Variants in KCNJ6 observed in about 807,000 individuals in gnomAD.
The protein encoded by KCNJ6 is G protein-activated inward rectifier potassium channel 2.
A neutral mutation model predicts 34.2 loss-of-function variants in KCNJ6; 9 were observed. The observed-to-expected ratio is 0.26, with a 90% confidence interval of 0.16 to 0.46. KCNJ6 has a LOEUF of 0.46. KCNJ6 is among the 20% of genes least tolerant of loss of function. KCNJ6 has a pLI of 1.00. For missense variants in KCNJ6, 236 were observed against 531.3 expected, an observed-to-expected ratio of 0.44 and a Z score of 5.46; for synonymous variants, 196 against 207.1, an observed-to-expected ratio of 0.95 and a Z score of 0.46.
At chr21:37,694,336 G>T (rs2054654366) in intron 3 of KCNJ6, among the ~76,000 whole-genome samples, 1 of 152,186 alleles carries the variant, frequency 6.6e-6, no homozygotes, top group African/African-American at 2.4e-5. Context: ...GGTTCTTTTA[G>T]CGAGGACAAG....
intron 1 of KCNJ6, among the ~76,000 whole-genome samples, chr21:37,912,124 A>G (rs888061469): frequency 2.6e-5 from 4 of 152,230 alleles, no homozygotes; most frequent in Non-Finnish European, 5.9e-5. Flanking sequence ...ACTATTGTTT[A>G]GGCAATACCT....
In KCNJ6 at chr21:37,613,592, A is replaced by T. The variant is rs2054250474; in HGVS notation, c.*11567T>A. On this transcript the variant is annotated 3_prime_UTR_variant, in exon 4 of 4. Coordinates refer to ENST00000609713, the MANE Select transcript of KCNJ6 (RefSeq NM_002240.5). ...ATGGATGAGTGTTTGGTGCTAAAAA[A>T]GTGAGCTCTCAAGCCATAAAAAGAT... is the stretch of plus-strand genomic sequence containing the variant. 1.3e-5 allele frequency: 2 copies of T among 152,236 alleles called. No individual in the cohort carries two copies. The highest frequency in any genetic ancestry group is 2.4e-5 in the African/African-American group (1 of 41,458). The allele number at this position is 152,236 out of a possible 1,614,324, so 9.4% of individuals were successfully genotyped here.
intron 1 of KCNJ6, among the ~76,000 whole-genome samples, chr21:37,894,771 C>T (rs946885363): frequency 1.3e-5 from 2 of 152,156 alleles, no homozygotes; most frequent in African/African-American, 4.8e-5. Context: ...CTTTTAGGTC[C>T]CCTCTAGGTG....
rs79368295 is a variant in KCNJ6 at position 37,715,196 on chromosome 21, C to T, written c.26-65G>A. 23,347 of 1,375,594 alleles carry T rather than the reference C, an allele frequency of 0.017. 240 individuals are homozygous for T. Among genetic ancestry groups the T allele is most frequent in the Non-Finnish European group, 0.02 (20,441 of 1,009,036 alleles). 85.2% of individuals were successfully genotyped at this position (1,375,594 alleles called of 1,614,324 possible). A position where few individuals can be genotyped will look rare whatever the true frequency, so the allele number is the denominator to read the frequency against. On this transcript the variant is annotated intron_variant, in intron 2 of 3. Transcript: ENST00000609713. ...GGCTGGCTCTTTGAGGACAATGGAA[C>T]GGCACACTTTGTATGGGCTGGTGAA...
At chr21:37,625,924 A>T (rs182176928) in intron 3 of KCNJ6, among the ~76,000 whole-genome samples, 4 of 152,292 alleles carry the variant, frequency 2.6e-5, no homozygotes, top group East Asian at 1.9e-4. Context: ...ATGAAATTTC[A>T]TATATGGAAC....
At chr21:37,855,169 A>AT (rs372142668) in intron 1 of KCNJ6, among the ~76,000 whole-genome samples, 149 of 152,208 alleles carry the variant, frequency 9.8e-4, no homozygotes, top group African/African-American at 3.4e-3. Flanking sequence ...AAAAAATAAA[A>AT]TTTTTTTGGT....
At chr21:37,641,733 T>C (rs1249632755) in intron 3 of KCNJ6, among the ~76,000 whole-genome samples, 2 of 151,804 alleles carry the variant, frequency 1.3e-5, no homozygotes, top group Non-Finnish European at 2.9e-5. Context: ...TGGTACCAAA[T>C]GAAAACACTG....
intron 3 of KCNJ6, among the ~76,000 whole-genome samples, chr21:37,685,793 C>CTAGTTA (rs1201626871): frequency 6.8e-6 from 1 of 148,142 alleles, no homozygotes; most frequent in Non-Finnish European, 1.5e-5. Context: ...CTCTAGAGCA[C>CTAGTTA]TAGTTATAGA....
chr21:37,689,445 G>A (rs1331386526), intron 3 of KCNJ6, among the ~76,000 whole-genome samples: 1 of 151,960 alleles, frequency 6.6e-6, no homozygotes, highest in African/African-American at 2.4e-5. Flanking sequence ...CCTTTTAAGG[G>A]GCTCACTGTT....
intron 2 of KCNJ6, among the ~76,000 whole-genome samples, chr21:37,822,223 G>A (rs1013046842): frequency 2.0e-5 from 3 of 152,172 alleles, no homozygotes; most frequent in African/African-American, 4.8e-5. Context: ...CTGGGGAGTG[G>A]CTTGCAGACA....
intron 1 of KCNJ6, among the ~76,000 whole-genome samples, chr21:37,896,533 G>A (rs572998943): frequency 5.3e-5 from 8 of 152,264 alleles, no homozygotes; most frequent in Admixed American, 1.3e-4. Context: ...TTACGGGCAC[G>A]GAACATGCAT....
At chr21:37,742,518 A>AG (rs1243337368) in intron 2 of KCNJ6, among the ~76,000 whole-genome samples, 8 of 212 alleles carry the variant, frequency 0.038, no homozygotes, top group Admixed American at 0.19. Flanking sequence ...TATTAAAAAG[A>AG]AAAACACCTT....
Position 37,871,549 on chromosome 21 carries a change from C to T in KCNJ6, c.-27-30840G>A, listed in dbSNP as rs148752563. ...ACAGAAATCTGGGCACAACCACACC[C>T]TGGGCTCTGAGACTTTTTCCTGAAT... On this transcript the variant is annotated intron_variant, in intron 1 of 3. Transcript: ENST00000609713. Among the ~76,000 whole-genome samples the T allele has an allele frequency of 2.6e-5, 4 of 152,224 alleles. No individual in the cohort carries two copies. In the South Asian group the frequency reaches 6.2e-4, roughly 24 times the overall value.
At chr21:37,892,124 T>C (rs996351487) in intron 1 of KCNJ6, among the ~76,000 whole-genome samples, 2 of 152,216 alleles carry the variant, frequency 1.3e-5, no homozygotes, top group African/African-American at 4.8e-5. Context: ...TTTTGAAACA[T>C]ACCAGTGCAG....
At chr21:37,721,553 G>A (rs572063417) in intron 2 of KCNJ6, among the ~76,000 whole-genome samples, 2 of 152,330 alleles carry the variant, frequency 1.3e-5, no homozygotes, top group African/African-American at 2.4e-5. Flanking sequence ...TAAACAAAAT[G>A]TGGTATGTAC....
In KCNJ6 at chr21:37,742,598, T is replaced by C. The variant is rs143856303; in HGVS notation, c.26-27467A>G. ...ATCTTTTCAGAGATCTCTCTGTGCA[T>C]TGACACATTCATACATGAGTGGCCA... On this transcript the variant is annotated intron_variant, in intron 2 of 3. Coordinates refer to ENST00000609713, the MANE Select transcript of KCNJ6 (RefSeq NM_002240.5). 3.8e-3 allele frequency among the ~76,000 whole-genome samples: 580 copies of C among 152,368 alleles called. 3 individuals carry two copies. Among genetic ancestry groups the C allele is most frequent in the African/African-American group, 0.013 (552 of 41,578 alleles).
At chr21:37,913,150 G>A (rs3787870) in intron 1 of KCNJ6, among the ~76,000 whole-genome samples, 93,025 of 152,052 alleles carry the variant, frequency 0.61, 29,420 homozygotes, top group African/African-American at 0.78. Flanking sequence ...GTGGTGGTGG[G>A]GGACCTACTA....
intron 3 of KCNJ6, among the ~76,000 whole-genome samples, chr21:37,666,015 G>A (rs2054512369): frequency 6.6e-6 from 1 of 152,156 alleles, no homozygotes; most frequent in African/African-American, 2.4e-5. Context: ...TTGCTACCAT[G>A]ATGTCATTTC....
chr21:37,645,306 G>A (rs2054399170), intron 3 of KCNJ6, among the ~76,000 whole-genome samples: 1 of 152,018 alleles, frequency 6.6e-6, no homozygotes, highest in Non-Finnish European at 1.5e-5. Context: ...TCGAGGCTGT[G>A]GTGAGCCATG....
Sources: allele counts gnomAD v4.1 joint callset (sites outside exome capture counted in the v4.1 genomes callset), GRCh38; gene constraint gnomAD v4.1.1; transcripts MANE v1.5; gene names NCBI Gene and HGNC (gene_info 2026-07-23, HGNC 2026-07-21).